Variants in CYP2C19 observed in about 807,000 individuals in gnomAD.
CYP2C19 encodes the protein cytochrome P450 family 2 subfamily C member 19, also known as cytochrome P450 2C19.
Under a neutral mutation model 40.9 loss-of-function variants are expected in CYP2C19, and 59 were observed. The observed-to-expected ratio is 1.44, with a 90% CI of 1.17 to 1.79. The LOEUF is 1.79. CYP2C19 is among the 40% of genes most tolerant of loss of function. CYP2C19 has a pLI of 0.00. For missense variants in CYP2C19, 754 were observed against 596.9 expected, an observed-to-expected ratio of 1.26 and a Z score of -2.74; for synonymous variants, 253 against 208.7, an observed-to-expected ratio of 1.21 and a Z score of -1.83.
chr10:94,838,747 A>G (rs1282207896), intron 6 of CYP2C19, among the ~76,000 whole-genome samples: 1 of 152,106 alleles, frequency 6.6e-6, no homozygotes, highest in Non-Finnish European at 1.5e-5. Context: ...CACACTTTTT[A>G]CATAATTGCG....
chr10:94,816,823 A>C (rs936749609), intron 5 of CYP2C19, among the ~76,000 whole-genome samples: 3 of 148,980 alleles, frequency 2.0e-5, no homozygotes, highest in African/African-American at 7.4e-5. Flanking sequence ...GTGAGAATAT[A>C]CGGTGTTTGG....
chr10:94,817,706 G>A (rs1172819258), intron 5 of CYP2C19, among the ~76,000 whole-genome samples: 1 of 151,862 alleles, frequency 6.6e-6, no homozygotes, highest in Non-Finnish European at 1.5e-5. Context: ...GGTTTTTATG[G>A]TTTTAGGTCT....
chr10:94,829,604 C>A (rs1448229279), intron 6 of CYP2C19, among the ~76,000 whole-genome samples: 1 of 152,150 alleles, frequency 6.6e-6, no homozygotes, highest in Non-Finnish European at 1.5e-5. Context: ...GTTTGAATGT[C>A]CTTCCATAGC....
chr10:94,851,241 G>GGA (rs760342551), intron 8 of CYP2C19, among the ~76,000 whole-genome samples: 1 of 151,888 alleles, frequency 6.6e-6, no homozygotes, highest in Non-Finnish European at 1.5e-5. Flanking sequence ...TGGAAGAGCA[G>GGA]GAGAGAGAGA....
intron 5 of CYP2C19, among the ~76,000 whole-genome samples, chr10:94,808,761 G>A (rs757245211): frequency 1.1e-4 from 17 of 152,174 alleles, no homozygotes; most frequent in Middle Eastern, 3.4e-3. Context: ...GCAAATGACC[G>A]AATCTCATTT....
chr10:94,829,207 G>A (rs1849285992), intron 6 of CYP2C19, among the ~76,000 whole-genome samples: 1 of 152,092 alleles, frequency 6.6e-6, no homozygotes, highest in African/African-American at 2.4e-5. Context: ...CTGAACGTTG[G>A]CCTGCCGTGC....
intron 5 of CYP2C19, among the ~76,000 whole-genome samples, chr10:94,810,533 G>C (rs1848904667): frequency 2.0e-5 from 3 of 151,854 alleles, no homozygotes; most frequent in Non-Finnish European, 4.4e-5. Context: ...TTTTTGCTTG[G>C]TGGGCTATTC....
chr10:94,827,454 G>T (rs542490238), intron 6 of CYP2C19, among the ~76,000 whole-genome samples: 2 of 152,004 alleles, frequency 1.3e-5, no homozygotes, highest in African/African-American at 2.4e-5. Flanking sequence ...TTGCATAGAG[G>T]TGTTTGTAGT....
At chr10:94,829,543 G>C (rs1375065890) in intron 6 of CYP2C19, among the ~76,000 whole-genome samples, 4 of 152,076 alleles carry the variant, frequency 2.6e-5, no homozygotes, top group African/African-American at 9.7e-5. Context: ...GGTTATTCTA[G>C]TTATACCTTC....
chr10:94,842,220 G>T (rs1849505646), intron 6 of CYP2C19, among the ~76,000 whole-genome samples: 1 of 151,930 alleles, frequency 6.6e-6, no homozygotes, highest in African/African-American at 2.4e-5. Context: ...TTGCCAAGCT[G>T]ACTGCTTTAT....
At chr10:94,766,300 G>T (rs975982192) in intron 1 of CYP2C19, among the ~76,000 whole-genome samples, 1 of 109,672 alleles carries the variant, frequency 9.1e-6, no homozygotes, top group Non-Finnish European at 1.9e-5. Flanking sequence ...AAGGGGAGGG[G>T]TGATTGAGGT....
intron 5 of CYP2C19, among the ~76,000 whole-genome samples, chr10:94,802,395 A>G (rs1848778455): frequency 6.6e-6 from 1 of 152,104 alleles, no homozygotes; most frequent in Non-Finnish European, 1.5e-5. Context: ...ATCACAGACT[A>G]GGATTGCAAC....
At chr10:94,767,759 G>T (rs758594929) in intron 1 of CYP2C19, among the ~76,000 whole-genome samples, 2 of 152,144 alleles carry the variant, frequency 1.3e-5, no homozygotes, top group Non-Finnish European at 2.9e-5. Context: ...CCACTGGCTG[G>T]CTTCAGGTAT....
intron 7 of CYP2C19, 54 bp from the exon 8 acceptor site, chr10:94,849,863 T>C: frequency 1.2e-6 from 2 of 1,606,850 alleles, no homozygotes; most frequent in South Asian, 2.2e-5. Context: ...CCACTGTTTC[T>C]TAAACCTTCG....
intron 5 of CYP2C19, among the ~76,000 whole-genome samples, chr10:94,815,400 T>C (rs999088083): frequency 6.6e-5 from 10 of 152,220 alleles, no homozygotes; most frequent in Non-Finnish European, 1.3e-4. Flanking sequence ...AAGTAATATG[T>C]TTTTGTATAT....
intron 5 of CYP2C19, among the ~76,000 whole-genome samples, chr10:94,820,058 C>A (rs1284135683): frequency 4.7e-5 from 7 of 150,106 alleles, no homozygotes; most frequent in Admixed American, 1.3e-4. Flanking sequence ...AAGTGGGCTT[C>A]ATCCCTGGGA....
chr10:94,852,824 GA>G lies in CYP2C19; in HGVS notation c.1384del (p.Ile462LeufsTer72). The G allele has an allele frequency of 6.2e-7, 1 of 1,614,026 alleles. No homozygotes were observed. Among genetic ancestry groups the G allele is most frequent in the South Asian group, 1.1e-5 (1 of 91,078 alleles). On this transcript the variant is annotated frameshift_variant, in exon 9 of 9. Transcript: ENST00000371321. LOFTEE classifies it low-confidence loss of function (END_TRUNC). Reference protein sequence around the residue: ...ILQNFNLKSLIDPKDLDTTPV... With the variant: ...ILQNFNLKSLXDPKDLDTTPV... ...TACAGAACTTTAACCTGAAATCTCT[GA>G]TTGACCCAAAGGACCTTGACACAAC...
intron 1 of CYP2C19, among the ~76,000 whole-genome samples, chr10:94,766,126 G>A (rs1397953778): frequency 3.9e-5 from 6 of 152,096 alleles, no homozygotes; most frequent in Non-Finnish European, 8.8e-5. Context: ...GAAGGTGGTA[G>A]GTTAATTTGG....
At chr10:94,766,309 G>T (rs923084029) in intron 1 of CYP2C19, among the ~76,000 whole-genome samples, 1 of 139,870 alleles carries the variant, frequency 7.1e-6, no homozygotes, top group East Asian at 2.1e-4. Context: ...GGTGATTGAG[G>T]TATCCAAGGA....
Sources: gnomAD v4.1 joint callset for allele counts (sites outside exome capture counted in the v4.1 genomes callset) on GRCh38, gnomAD v4.1.1 for gene constraint, MANE v1.5 for transcripts, NCBI Gene and HGNC (gene_info 2026-07-23, HGNC 2026-07-21) for gene names.